UBE2E2: variants seen among roughly 807,000 people sequenced by gnomAD.
The protein encoded by UBE2E2 is ubiquitin conjugating enzyme E2 E2.
Under a neutral mutation model 24.7 loss-of-function variants are expected in UBE2E2, and 6 were observed. The ratio of observed to expected loss-of-function variants is 0.24; its 90% CI spans 0.13 to 0.48. The LOEUF is 0.48. UBE2E2 is among the 20% of genes least tolerant of loss of function. The pLI is 0.99. For missense variants in UBE2E2, 169 were observed against 245.0 expected (o/e 0.69, Z 2.07); for synonymous variants, 104 against 83.6 (o/e 1.24, Z -1.33).
chr3:23,376,172 AT>A, intron 3 of UBE2E2, among the ~76,000 whole-genome samples: 1 of 152,170 alleles, frequency 6.6e-6, no homozygotes, highest in East Asian at 1.9e-4. Context: ...CATTGAGTAG[AT>A]TTCAGGTGGG....
rs180936661 is a variant in UBE2E2, at chr3:23,535,885, T to C, written c.508+3184T>C. Among the ~76,000 whole-genome samples the C allele has an allele frequency of 1.0e-3, 159 of 152,312 alleles. No homozygotes were observed. In the East Asian group the frequency reaches 0.025, roughly 24 times the overall value. The stretch of plus-strand genomic sequence containing the variant: ...ATCCGCCCGCCTCGGCCTCCCAAAG[T>C]GCTGGGATGACAGGCGTGAGCCACC... On this transcript the variant is annotated intron_variant, in intron 5 of 5. Coordinates refer to ENST00000396703, the MANE Select transcript of UBE2E2 (RefSeq NM_152653.4).
intron 3 of UBE2E2, among the ~76,000 whole-genome samples, chr3:23,371,093 A>G: frequency 6.6e-6 from 1 of 152,192 alleles, no homozygotes; most frequent in East Asian, 1.9e-4. Context: ...GCAGTGACAC[A>G]ATCATGGCTC....
At chr3:23,539,819 G>A (rs560945266) in intron 5 of UBE2E2, among the ~76,000 whole-genome samples, 1 of 152,096 alleles carries the variant, frequency 6.6e-6, no homozygotes, top group African/African-American at 2.4e-5. Context: ...TTTTTTTAAT[G>A]AATTGGAAAT....
chr3:23,321,454 C>T (rs766901769), intron 3 of UBE2E2, among the ~76,000 whole-genome samples: 4 of 151,740 alleles, frequency 2.6e-5, no homozygotes, highest in African/African-American at 4.8e-5. Flanking sequence ...GCCTGGCTGC[C>T]GCTACTACCT....
chr3:23,266,708 T>C (rs939769415), intron 3 of UBE2E2, among the ~76,000 whole-genome samples: 9 of 152,242 alleles, frequency 5.9e-5, no homozygotes, highest in Middle Eastern at 3.4e-3. Flanking sequence ...GCAGACGTAA[T>C]AGACATCTAC....
chr3:23,318,078 A>C (rs1486559591), intron 3 of UBE2E2, among the ~76,000 whole-genome samples: 2 of 151,914 alleles, frequency 1.3e-5, no homozygotes, highest in Non-Finnish European at 2.9e-5. Flanking sequence ...CTACTTTTTG[A>C]TTCTAATGGA....
At chr3:23,398,531 GAT>G (rs1231989819) in intron 3 of UBE2E2, among the ~76,000 whole-genome samples, 6 of 152,146 alleles carry the variant, frequency 3.9e-5, no homozygotes, top group African/African-American at 1.4e-4. Flanking sequence ...TTAGAAGACA[GAT>G]GTTTTCCATG....
chr3:23,437,931 G>A (rs1257857441), intron 3 of UBE2E2, among the ~76,000 whole-genome samples: 1 of 152,180 alleles, frequency 6.6e-6, no homozygotes, highest in East Asian at 1.9e-4. Flanking sequence ...CTCAGTGTGG[G>A]CAGTAAATGC....
intron 3 of UBE2E2, among the ~76,000 whole-genome samples, chr3:23,424,303 A>G (rs1326998296): frequency 2.0e-5 from 3 of 152,208 alleles, no homozygotes; most frequent in African/African-American, 7.2e-5. Flanking sequence ...ATGTTAAGGT[A>G]CAGATGATTT....
At chr3:23,300,190 A>T (rs1396811272) in intron 3 of UBE2E2, among the ~76,000 whole-genome samples, 1 of 151,970 alleles carries the variant, frequency 6.6e-6, no homozygotes, top group African/African-American at 2.4e-5. Context: ...TGCACGTGAG[A>T]TGGGTTTCCT....
At chr3:23,307,823 G>A (rs936923087) in intron 3 of UBE2E2, among the ~76,000 whole-genome samples, 1 of 152,072 alleles carries the variant, frequency 6.6e-6, no homozygotes, top group Non-Finnish European at 1.5e-5. Context: ...TAATGAGTTA[G>A]GTAGTTCTAA....
intron 3 of UBE2E2, among the ~76,000 whole-genome samples, chr3:23,423,057 T>C (rs1235356373): frequency 6.6e-6 from 1 of 152,206 alleles, no homozygotes; most frequent in African/African-American, 2.4e-5. Context: ...GGTTCATTGG[T>C]TTACAGTTCT....
chr3:23,317,995 A>G (rs932173962), intron 3 of UBE2E2, among the ~76,000 whole-genome samples: 16 of 151,932 alleles, frequency 1.1e-4, no homozygotes, highest in African/African-American at 3.9e-4. Flanking sequence ...AGGGACGACA[A>G]TCAGTGGAGC....
chr3:23,391,285 A>G (rs759749740), intron 3 of UBE2E2, among the ~76,000 whole-genome samples: 1 of 152,232 alleles, frequency 6.6e-6, no homozygotes, highest in Admixed American at 6.5e-5. Context: ...ATTAACTGCT[A>G]CTTAAACTAT....
intron 3 of UBE2E2, among the ~76,000 whole-genome samples, chr3:23,383,502 A>G (rs543387386): frequency 1.3e-5 from 2 of 152,090 alleles, no homozygotes; most frequent in South Asian, 4.1e-4. Context: ...ACTGGTAAGC[A>G]TTGCAGTGGC....
intron 3 of UBE2E2, among the ~76,000 whole-genome samples, chr3:23,358,717 A>G (rs1219246783): frequency 6.6e-6 from 1 of 152,204 alleles, no homozygotes; most frequent in Non-Finnish European, 1.5e-5. Flanking sequence ...ACAGAACTGA[A>G]ATTAAGTATT....
intron 3 of UBE2E2, among the ~76,000 whole-genome samples, chr3:23,359,480 A>G (rs1326511971): frequency 6.6e-6 from 1 of 152,224 alleles, no homozygotes; most frequent in East Asian, 1.9e-4. Context: ...TTTGGAATTA[A>G]AAGTTGCTTG....
chr3:23,553,623 T>C (rs1695703468), intron 5 of UBE2E2, among the ~76,000 whole-genome samples: 2 of 152,196 alleles, frequency 1.3e-5, no homozygotes, highest in Non-Finnish European at 2.9e-5. Flanking sequence ...TTGACAATAG[T>C]TATTTGCATT....
At chr3:23,299,795 T>G (rs1379150754) in intron 3 of UBE2E2, among the ~76,000 whole-genome samples, 18 of 152,194 alleles carry the variant, frequency 1.2e-4, no homozygotes, top group Admixed American at 3.3e-4. Flanking sequence ...AGATGTCTAT[T>G]AGGTCCACTT....
Sources: gnomAD v4.1 joint callset for allele counts (sites outside exome capture counted in the v4.1 genomes callset) on GRCh38, gnomAD v4.1.1 for gene constraint, MANE v1.5 for transcripts, NCBI Gene and HGNC (gene_info 2026-07-23, HGNC 2026-07-21) for gene names.